MTA1: variants seen among roughly 807,000 people sequenced by gnomAD.
MTA1 encodes metastasis-associated protein MTA1.
In MTA1, 15 loss-of-function variants were observed where a neutral mutation model predicts 97.0. The ratio of observed to expected loss-of-function variants is 0.15; its 90% CI spans 0.10 to 0.24. The LOEUF (loss-of-function observed/expected upper bound fraction) is 0.24, where lower values mean the gene tolerates loss of function less well. MTA1 is among the 10% of genes least tolerant of loss of function. The probability of loss-of-function intolerance (pLI) is 1.00; values close to 1 mark genes in which losing one functional copy is unlikely to be tolerated. For synonymous variants in MTA1, 435 were observed against 417.5 expected (o/e 1.04, Z -0.51); for missense variants, 709 against 1,015.1 (o/e 0.70, Z 4.10).
In MTA1 at chr14:105,464,572, G is replaced by A. The variant is rs782568080; in HGVS notation, c.1344+5G>A. On this transcript the variant is annotated splice_donor_5th_base_variant and intron_variant, in intron 14 of 20. Transcript: ENST00000331320. ...GGACCAAACCGCAGTAACATGGTAA[G>A]GGGGGGGACACCCGCCCTGCCTGCC... 3 of 1,610,420 alleles carry A rather than the reference G, an allele frequency of 1.9e-6. No individual in the cohort carries two copies. The highest frequency in any genetic ancestry group is 1.7e-6 in the Non-Finnish European group (2 of 1,178,784).
chr14:105,466,611 C>G, intron 17 of MTA1, 33 bp downstream of exon 17: 2 of 1,567,576 alleles, frequency 1.3e-6, no homozygotes, highest in Non-Finnish European at 1.7e-6. Flanking sequence ...GAGTGTGGCC[C>G]TCCCCGCCCG....
chr14:105,455,449 G>T (rs967443222), intron 7 of MTA1, among the ~76,000 whole-genome samples: 2 of 152,358 alleles, frequency 1.3e-5, no homozygotes, highest in Middle Eastern at 3.4e-3. Flanking sequence ...GCTGGGCAAG[G>T]CCGCGAGGCT....
intron 1 of MTA1, among the ~76,000 whole-genome samples, chr14:105,421,262 C>T (rs763464970): frequency 2.6e-5 from 4 of 152,196 alleles, no homozygotes; most frequent in Admixed American, 2.6e-4. Flanking sequence ...TGCCAGGTCC[C>T]TGTGTGGACC....
chr14:105,419,994 G>A lies in MTA1; in HGVS notation c.-42G>A. 4 of 998,376 alleles carry A rather than the reference G, an allele frequency of 4.0e-6. No individual in the cohort carries two copies. Among genetic ancestry groups the A allele is most frequent in the East Asian group, 1.0e-4 (1 of 9,790 alleles). 61.8% of individuals were successfully genotyped at this position (998,376 alleles called of 1,614,324 possible). ...ATTTTCCCGGCCGCCCGCGCCGAGC[G>A]CCGCGCCCGCCCCGGGCCCCTCCGC... is the stretch of plus-strand genomic sequence containing the variant. On this transcript the variant is annotated 5_prime_UTR_variant, in exon 1 of 21. Coordinates refer to ENST00000331320, the MANE Select transcript of MTA1 (RefSeq NM_004689.4).
chr14:105,466,187 C>A, intron 16 of MTA1: 1 of 571,054 alleles, frequency 1.8e-6, no homozygotes, highest in Non-Finnish European at 3.1e-6. Flanking sequence ...TCTCCCTGCT[C>A]TCTGGAAGCC....
intron 18 of MTA1, 30 bp downstream of exon 18, chr14:105,466,772 C>G (rs371401159): frequency 5.8e-6 from 9 of 1,554,000 alleles, no homozygotes; most frequent in Non-Finnish European, 7.8e-6. Flanking sequence ...GCGGGCGCTG[C>G]GCCGGCCCCG....
intron 1 of MTA1, among the ~76,000 whole-genome samples, chr14:105,434,183 T>C (rs148083175): frequency 1.3e-5 from 2 of 152,364 alleles, no homozygotes; most frequent in East Asian, 3.9e-4. Context: ...TGTAATATCC[T>C]TGGTGTGGCC....
chr14:105,454,285 A>G lies in MTA1; in HGVS notation c.525A>G (p.Ala175=). The G allele has an allele frequency of 1.2e-6, 2 of 1,613,468 alleles. No homozygotes were observed. The highest frequency in any genetic ancestry group is 1.7e-6 in the Non-Finnish European group (2 of 1,179,560). Residue 175 remains alanine (A), a synonymous_variant, in exon 7 of 21, where the codon GCA becomes GCG. Coordinates refer to ENST00000331320, the MANE Select transcript of MTA1 (RefSeq NM_004689.4). ...TTCGAGTAGGAAACCGGTACCAGGC[A>G]GACATCACCGACTTGTTAAAAGAAG... ...GEIRVGNRYQ[A]DITDLLKEGE...
intron 1 of MTA1, among the ~76,000 whole-genome samples, chr14:105,427,057 G>A (rs1320756619): frequency 2.0e-5 from 3 of 152,194 alleles, no homozygotes; most frequent in Admixed American, 6.5e-5. Context: ...CAGGGACCAC[G>A]GGCACCGCCC....
chr14:105,436,553 A>C (rs373144728), intron 1 of MTA1, among the ~76,000 whole-genome samples: 2 of 152,118 alleles, frequency 1.3e-5, no homozygotes, highest in Non-Finnish European at 2.9e-5. Flanking sequence ...AGCAGCTTGT[A>C]GGTGGCCCCA....
At chr14:105,421,019 C>T (rs2081815559) in intron 1 of MTA1, among the ~76,000 whole-genome samples, 2 of 152,236 alleles carry the variant, frequency 1.3e-5, no homozygotes, top group Admixed American at 6.5e-5. Flanking sequence ...GCCCCTGACC[C>T]CGAGTGCCCA....
In MTA1 at chr14:105,466,526, C is replaced by G; in HGVS notation, c.1725C>G (p.Gly575=). The G allele has an allele frequency of 6.3e-7, 1 of 1,588,996 alleles. No homozygotes were observed. Among genetic ancestry groups the G allele is most frequent in the Non-Finnish European group, 8.6e-7 (1 of 1,168,676 alleles). Residue 575 remains glycine (G), a synonymous_variant, in exon 17 of 21, where the codon GGC becomes GGG. Coordinates refer to ENST00000331320, the MANE Select transcript of MTA1 (RefSeq NM_004689.4). ...PAKVAPVINN[G]SPTILGKRSY... ...AGGTGGCCCCCGTCATCAACAACGG[C>G]TCCCCCACCATCCTGGGCAAGCGCA...
chr14:105,431,791 A>G (rs1318890304), intron 1 of MTA1, among the ~76,000 whole-genome samples: 2 of 151,808 alleles, frequency 1.3e-5, no homozygotes, highest in African/African-American at 4.8e-5. Flanking sequence ...ACACCTGGCT[A>G]TTTTTTGTAT....
Position 105,463,115 on chromosome 14 carries a change from GC to G in MTA1, c.943-65del. On this transcript the variant is annotated intron_variant, in intron 10 of 20. Transcript: ENST00000331320. The surrounding 1 kb of genome is among the most constrained non-coding windows in gnomAD (Gnocchi z 5.9). The stretch of plus-strand genomic sequence containing the variant: ...TCTGTGGCCTTCTGGCCGCAGCCCT[GC>G]CCCTGCCTGCATGGTGTGCCTGCCT... The G allele has an allele frequency of 6.7e-7, 1 of 1,496,038 alleles. No homozygotes were observed. The allele number at this position is 1,496,038 out of a possible 1,614,324, so 92.7% of individuals were successfully genotyped here.
chr14:105,420,918 C>T lies in MTA1; in HGVS notation c.28+855C>T, dbSNP rs1204495026. On this transcript the variant is annotated intron_variant, in intron 1 of 20. Coordinates refer to ENST00000331320, the MANE Select transcript of MTA1 (RefSeq NM_004689.4). The surrounding 1 kb of genome is among the most constrained non-coding windows in gnomAD (Gnocchi z 5.3). Reference sequence around the variant, plus strand: ...CTCTGAGACCCCTCCCTGCCTGTGACCCTCTCGGGCAGGTGCTCATTACCT... The same window carrying T: ...CTCTGAGACCCCTCCCTGCCTGTGATCCTCTCGGGCAGGTGCTCATTACCT... 1.3e-5 allele frequency among the ~76,000 whole-genome samples: 2 copies of T among 152,182 alleles called. No homozygotes were observed. Among genetic ancestry groups the T allele is most frequent in the Non-Finnish European group, 2.9e-5 (2 of 68,016 alleles).
At chr14:105,466,346 A>T in intron 16 of MTA1, 80 bp from the exon 17 acceptor site, 1 of 1,321,122 alleles carries the variant, frequency 7.6e-7, no homozygotes, top group Non-Finnish European at 1.1e-6. Context: ...TCCCGGAACC[A>T]TGAGGGCTGG....
chr14:105,428,162 CCTT>C (rs1443701702), intron 1 of MTA1, among the ~76,000 whole-genome samples: 12 of 152,242 alleles, frequency 7.9e-5, no homozygotes, highest in Admixed American at 4.6e-4. Context: ...TCTCTTGTGA[CCTT>C]CTGTAGTCAG....
Position 105,464,430 on chromosome 14 carries a change from C to G in MTA1, c.1207C>G (p.Gln403Glu), listed in dbSNP as rs2083483261. The G allele has an allele frequency of 6.2e-7, 1 of 1,613,578 alleles. No individual in the cohort carries two copies. The highest frequency in any genetic ancestry group is 1.6e-4 in the Middle Eastern group (1 of 6,062). The change falls in exon 14 of 21, where the codon CAG (glutamine) becomes GAG (glutamate). Residue 403 changes from glutamine (Q) to glutamate (E), a missense_variant. By Grantham distance (29) the Gln-to-Glu change is conservative. Transcript: ENST00000331320. ...GTTGTCCGTAGCCACACAGTCTTAC[C>G]AGTGGTATTCTTGGGGTCCCCCTAA... The part of the protein sequence containing the change: ...CESCYTTQSY[Q>E]WYSWGPPNMQ...
At position 105,449,536 on chromosome 14, in the gene MTA1, C is replaced by T. The variant is rs587603907; in HGVS notation, c.241+127C>T. On this transcript the variant is annotated intron_variant, in intron 4 of 20. Transcript: ENST00000331320. ...GCCTGTGCCCTGCGCCCGGCCGGCC[C>T]GGCTGAGGAGGGGCCCTCCCTTGTG... The T allele has an allele frequency of 3.5e-4, 370 of 1,063,214 alleles. 1 individual carries two copies. In the Middle Eastern group the frequency reaches 3.8e-3, roughly 11 times the overall value. The allele number at this position is 1,063,214 out of a possible 1,614,324, so 65.9% of individuals were successfully genotyped here.
Sources: gnomAD v4.1 joint callset for allele counts (sites outside exome capture counted in the v4.1 genomes callset) on GRCh38, gnomAD v4.1.1 for gene constraint, Gnocchi (gnomAD v3.1) non-coding constraint, MANE v1.5 for transcripts, NCBI Gene and HGNC (gene_info 2026-07-23, HGNC 2026-07-21) for gene names.